WWOX: variants seen among roughly 807,000 people sequenced by gnomAD.
The protein encoded by WWOX is WW domain-containing oxidoreductase.
WWOX carries 69 observed loss-of-function variants against 46.2 expected under a neutral mutation model. That is an observed-to-expected ratio of 1.49 (90% confidence interval 1.23 to 1.82). The LOEUF (loss-of-function observed/expected upper bound fraction) is 1.82, where lower values mean the gene tolerates loss of function less well. Ranked by LOEUF, WWOX falls within the 40% of genes most tolerant of loss-of-function variation. The pLI, the probability that WWOX is intolerant of heterozygous loss-of-function variation, is 0.00. For missense variants in WWOX, 919 were observed against 542.6 expected, an observed-to-expected ratio of 1.69 and a Z score of -6.89; for synonymous variants, 359 against 202.6, an observed-to-expected ratio of 1.77 and a Z score of -6.56.
intron 8 of WWOX, among the ~76,000 whole-genome samples, chr16:78,986,022 T>G (rs2046777952): frequency 6.6e-6 from 1 of 152,168 alleles, no homozygotes; most frequent in African/African-American, 2.4e-5. Flanking sequence ...AGGAGGGGCA[T>G]CCCAGGGTCA....
At chr16:78,839,909 G>T (rs1429210216) in intron 8 of WWOX, among the ~76,000 whole-genome samples, 5 of 152,154 alleles carry the variant, frequency 3.3e-5, no homozygotes, top group Admixed American at 1.3e-4. Context: ...GCAGGTAAGC[G>T]CACAAATCCT....
At position 78,339,891 on chromosome 16, in the gene WWOX, C is replaced by T. The variant is rs1399929423; in HGVS notation, c.517-46969C>T. ...ATCCAAATAGGAGACTGTTCCCTTT[C>T]AAGAGAATTTTAGGTATTCAGATCC... On this transcript the variant is annotated intron_variant, in intron 5 of 8. Coordinates refer to ENST00000566780, the MANE Select transcript of WWOX (RefSeq NM_016373.4). Among the ~76,000 whole-genome samples, 6 of 114,158 alleles carry T rather than the reference C, an allele frequency of 5.3e-5. 2 individuals are homozygous for T. Among genetic ancestry groups the T allele is most frequent in the African/African-American group, 1.8e-4 (6 of 33,674 alleles). 74.9% of individuals were successfully genotyped at this position (114,158 alleles called of 152,430 possible).
chr16:78,100,416 C>G (rs985665747), intron 1 of WWOX, among the ~76,000 whole-genome samples: 4 of 152,130 alleles, frequency 2.6e-5, no homozygotes, highest in Non-Finnish European at 5.9e-5. Flanking sequence ...CTATGCCCGA[C>G]TAATTTTTTA....
chr16:78,544,609 G>A (rs140646701), intron 8 of WWOX, among the ~76,000 whole-genome samples: 522 of 152,252 alleles, frequency 3.4e-3, no homozygotes, highest in Middle Eastern at 0.01. Context: ...GATGTGGCTG[G>A]GCATGGTGGC....
At chr16:78,385,370 G>C (rs542553293) in intron 5 of WWOX, among the ~76,000 whole-genome samples, 2 of 152,314 alleles carry the variant, frequency 1.3e-5, no homozygotes, top group African/African-American at 2.4e-5. Flanking sequence ...TTCTCTGCTA[G>C]TTAAATTAAT....
At position 78,208,765 on chromosome 16, in the gene WWOX, T is replaced by C. The variant is rs370509963; in HGVS notation, c.516+44476T>C. On this transcript the variant is annotated intron_variant, in intron 5 of 8. Coordinates refer to ENST00000566780, the MANE Select transcript of WWOX (RefSeq NM_016373.4). ...TTAGTTGTAAATGATATCTTTGTAA[T>C]GTTTATTTTAAATTTTGCAGTGCTG... is the stretch of plus-strand genomic sequence containing the variant. Among the ~76,000 whole-genome samples, 29 of 152,364 alleles carry C rather than the reference T, an allele frequency of 1.9e-4. No individual in the cohort carries two copies. In the East Asian group the frequency reaches 4.2e-3, roughly 22 times the overall value.
At chr16:78,288,761 A>G (rs11643583) in intron 5 of WWOX, among the ~76,000 whole-genome samples, 35,353 of 152,098 alleles carry the variant, frequency 0.23, 4,467 homozygotes, top group East Asian at 0.39. Context: ...ACAATGGGTC[A>G]TAATTTATAG....
chr16:78,607,209 A>G (rs546419464), intron 8 of WWOX, among the ~76,000 whole-genome samples: 3 of 152,344 alleles, frequency 2.0e-5, no homozygotes, highest in Admixed American at 6.5e-5. Context: ...ATTTTATTAT[A>G]AAAACATTAA....
intron 5 of WWOX, among the ~76,000 whole-genome samples, chr16:78,248,666 G>A (rs148694170): frequency 0.032 from 4,891 of 152,090 alleles, 108 homozygotes; most frequent in African/African-American, 0.061. Context: ...AACCCGGGAG[G>A]TGGAGGTTGC....
intron 8 of WWOX, among the ~76,000 whole-genome samples, chr16:78,935,339 G>A (rs1272805385): frequency 6.6e-6 from 1 of 152,104 alleles, no homozygotes; most frequent in Non-Finnish European, 1.5e-5. Flanking sequence ...CAATAGCAAA[G>A]ACTTGGAACC....
At chr16:78,648,176 A>G (rs62036080) in intron 8 of WWOX, among the ~76,000 whole-genome samples, 57 of 152,236 alleles carry the variant, frequency 3.7e-4, no homozygotes, top group Admixed American at 7.8e-4. Flanking sequence ...TGAATGAAAA[A>G]CGGCTATTTC....
chr16:78,459,978 G>C (rs1185209593), intron 8 of WWOX, among the ~76,000 whole-genome samples: 1 of 150,922 alleles, frequency 6.6e-6, no homozygotes, highest in Non-Finnish European at 1.5e-5. Context: ...CTAATTTTTT[G>C]TATTATTTAT....
intron 8 of WWOX, among the ~76,000 whole-genome samples, chr16:78,754,292 G>C (rs1171150913): frequency 1.3e-5 from 2 of 152,086 alleles, no homozygotes; most frequent in African/African-American, 4.8e-5. Context: ...CAATCAGTGA[G>C]TTTCAGGAAG....
intron 7 of WWOX, among the ~76,000 whole-genome samples, chr16:78,429,495 A>C (rs2083167420): frequency 6.6e-6 from 1 of 152,216 alleles, no homozygotes; most frequent in South Asian, 2.1e-4. Context: ...GGTTGGGCTA[A>C]ACAAATATGC....
At chr16:78,386,365 G>C (rs1201249515) in intron 5 of WWOX, among the ~76,000 whole-genome samples, 2 of 152,140 alleles carry the variant, frequency 1.3e-5, no homozygotes, top group East Asian at 3.9e-4. Flanking sequence ...GAATCCATTG[G>C]TATAAACGAG....
At chr16:79,066,277 G>A (rs1443643032) in intron 8 of WWOX, among the ~76,000 whole-genome samples, 3 of 152,152 alleles carry the variant, frequency 2.0e-5, no homozygotes, top group Non-Finnish European at 4.4e-5. Flanking sequence ...TCAGTCATGA[G>A]GCCCTGCTTC....
At chr16:78,499,869 A>G (rs1006093155) in intron 8 of WWOX, among the ~76,000 whole-genome samples, 15 of 152,162 alleles carry the variant, frequency 9.9e-5, no homozygotes, top group Admixed American at 6.5e-4. Flanking sequence ...CCCCTCCCTT[A>G]CATTCCGTCT....
At chr16:79,138,025 A>T (rs2050016697) in intron 8 of WWOX, among the ~76,000 whole-genome samples, 1 of 152,186 alleles carries the variant, frequency 6.6e-6, no homozygotes, top group Admixed American at 6.5e-5. Flanking sequence ...TTTTACCCAA[A>T]CTGTTTCCAT....
At chr16:78,365,125 A>T (rs1418285446) in intron 5 of WWOX, among the ~76,000 whole-genome samples, 1 of 152,218 alleles carries the variant, frequency 6.6e-6, no homozygotes, top group Non-Finnish European at 1.5e-5. Flanking sequence ...CAAAATGAAG[A>T]TGCTAATACC....
Sources: gnomAD v4.1 joint callset for allele counts (sites outside exome capture counted in the v4.1 genomes callset) on GRCh38, gnomAD v4.1.1 for gene constraint, MANE v1.5 for transcripts, NCBI Gene and HGNC (gene_info 2026-07-23, HGNC 2026-07-21) for gene names.